SLC30A8: variants seen among roughly 807,000 people sequenced by gnomAD.
SLC30A8 encodes solute carrier family 30 member 8.
A neutral mutation model predicts 36.9 loss-of-function variants in SLC30A8; 27 were observed. That is an observed-to-expected ratio of 0.73 (90% CI 0.54 to 1.01). The LOEUF is 1.01. SLC30A8 is among the 50% of genes least tolerant of loss of function. The pLI is 0.00. For synonymous variants in SLC30A8, 164 were observed against 172.4 expected (o/e 0.95, Z 0.38); for missense variants, 439 against 452.0 (o/e 0.97, Z 0.26).
At chr8:117,148,491 A>G (rs1194550591) in intron 2 of SLC30A8, among the ~76,000 whole-genome samples, 5 of 152,092 alleles carry the variant, frequency 3.3e-5, no homozygotes, top group African/African-American at 1.2e-4. Flanking sequence ...GTTATTTCCT[A>G]CTCATGATTT....
chr8:117,011,687 A>T (rs1029733882), intron 1 of SLC30A8, among the ~76,000 whole-genome samples: 3 of 152,214 alleles, frequency 2.0e-5, no homozygotes, highest in Non-Finnish European at 4.4e-5. Context: ...GCCAGGGGTG[A>T]TGTTGGACCT....
At chr8:117,121,620 G>A (rs545291067) in intron 2 of SLC30A8, among the ~76,000 whole-genome samples, 2 of 151,838 alleles carry the variant, frequency 1.3e-5, no homozygotes, top group Non-Finnish European at 2.9e-5. Context: ...TAATACTATC[G>A]CATTGGTGAT....
At chr8:116,984,766 G>A (rs951146996) in intron 1 of SLC30A8, among the ~76,000 whole-genome samples, 1 of 151,986 alleles carries the variant, frequency 6.6e-6, no homozygotes, top group East Asian at 1.9e-4. Flanking sequence ...GCCTTTGTCT[G>A]ATATGTAATT....
At chr8:117,030,507 G>A (rs1396892846) in intron 1 of SLC30A8, among the ~76,000 whole-genome samples, 1 of 152,154 alleles carries the variant, frequency 6.6e-6, no homozygotes, top group Admixed American at 6.5e-5. Context: ...CATGCTCAAT[G>A]TCTGAACTTG....
intron 3 of SLC30A8, among the ~76,000 whole-genome samples, chr8:117,153,776 T>C (rs1822323799): frequency 1.3e-5 from 2 of 151,860 alleles, no homozygotes; most frequent in South Asian, 2.1e-4. Flanking sequence ...TATTGCTCAG[T>C]TGACTGTTGT....
At chr8:116,991,052 G>T (rs983069830) in intron 1 of SLC30A8, among the ~76,000 whole-genome samples, 2 of 152,078 alleles carry the variant, frequency 1.3e-5, no homozygotes, top group Non-Finnish European at 2.9e-5. Flanking sequence ...TGTGGGATGA[G>T]TCTTATTGGT....
chr8:117,086,504 A>G (rs1438213138), intron 2 of SLC30A8, among the ~76,000 whole-genome samples: 1 of 152,198 alleles, frequency 6.6e-6, no homozygotes, highest in African/African-American at 2.4e-5. Context: ...GCTTCCAGCA[A>G]CAAGCACCTT....
At position 117,152,873 on chromosome 8, in the gene SLC30A8, A is replaced by T. The variant is rs555083443; in HGVS notation, c.272-71A>T. 313 of 1,258,360 alleles carry T rather than the reference A, an allele frequency of 2.5e-4. No homozygotes were observed. In the African/African-American group the frequency reaches 4.4e-3, roughly 18 times the overall value. 77.9% of individuals were successfully genotyped at this position (1,258,360 alleles called of 1,614,324 possible). On this transcript the variant is annotated intron_variant, in intron 2 of 7. Transcript: ENST00000456015. ...TGAGTCTGTGGCATTTTCACCCATG[A>T]TGGTTAGCATGTCTGTGAATCTAGC...
chr8:116,976,726 G>C lies in SLC30A8; in HGVS notation c.-266+25607G>C, dbSNP rs1035534436. On this transcript the variant is annotated intron_variant, in intron 1 of 10. Transcript: ENST00000427715. The stretch of plus-strand genomic sequence containing the variant: ...ACCTGTTCCTCTGCTGGGGTAGGGG[G>C]GTCTTACAATGACTACTTAGCAGGA... Among the ~76,000 whole-genome samples the C allele has an allele frequency of 3.3e-5, 5 of 152,146 alleles. No homozygotes were observed. The South Asian group carries it at 1.0e-3, about 32-fold the overall frequency.
chr8:117,143,630 C>T (rs770768192), intron 1 of SLC30A8, among the ~76,000 whole-genome samples: 5 of 150,678 alleles, frequency 3.3e-5, no homozygotes, highest in East Asian at 2.0e-4. Flanking sequence ...TTTTGGGAGC[C>T]AAGTGAAGAC....
chr8:117,149,644 T>A (rs957713537), intron 2 of SLC30A8, among the ~76,000 whole-genome samples: 1 of 152,196 alleles, frequency 6.6e-6, no homozygotes, highest in Non-Finnish European at 1.5e-5. Flanking sequence ...AATAAATGTT[T>A]GCAAAGTGAA....
At chr8:117,117,507 TTA>T (rs750245629) in intron 2 of SLC30A8, among the ~76,000 whole-genome samples, 80 of 152,140 alleles carry the variant, frequency 5.3e-4, no homozygotes, top group Middle Eastern at 3.4e-3. Context: ...TGAAAAAATT[TTA>T]GTCTTGTTAA....
chr8:117,118,025 A>G (rs1820527112), intron 2 of SLC30A8, among the ~76,000 whole-genome samples: 1 of 151,916 alleles, frequency 6.6e-6, no homozygotes, highest in South Asian at 2.1e-4. Context: ...TCTTTTCCTT[A>G]TGAACATGAG....
intron 1 of SLC30A8, among the ~76,000 whole-genome samples, chr8:117,034,127 TC>T (rs1817138762): frequency 6.6e-6 from 1 of 152,190 alleles, no homozygotes; most frequent in Non-Finnish European, 1.5e-5. Flanking sequence ...GAGGTTATTG[TC>T]CTGATTTTAT....
In SLC30A8 at chr8:117,029,865, T is replaced by C. The variant is rs1816981280; in HGVS notation, c.-265-9354T>C. 2.0e-5 allele frequency among the ~76,000 whole-genome samples: 3 copies of C among 152,216 alleles called. No individual in the cohort carries two copies. The South Asian group carries it at 6.2e-4, about 32-fold the overall frequency. ...ATAAATTCACTCTTTGAGTAGTCAC[T>C]TGGAAACCAATTATTAGACAAGACA... On this transcript the variant is annotated intron_variant, in intron 1 of 10. Coordinates refer to the SLC30A8 transcript ENST00000427715.
In SLC30A8 at chr8:117,008,074, A is replaced by G. The variant is rs1331483597; in HGVS notation, c.-265-31145A>G. On this transcript the variant is annotated intron_variant, in intron 1 of 10. Coordinates refer to the SLC30A8 transcript ENST00000427715. ...AGAGGCTGGTAGTGGCAAAACCCAT[A>G]TTCTTAATCACATGCTGTATTCCCA... is the stretch of plus-strand genomic sequence containing the variant. 2.0e-5 allele frequency among the ~76,000 whole-genome samples: 3 copies of G among 152,194 alleles called. 1 individual carries two copies. Among genetic ancestry groups the G allele is most frequent in the Admixed American group, 2.0e-4 (3 of 15,280 alleles).
intron 5 of SLC30A8, among the ~76,000 whole-genome samples, chr8:117,163,187 A>G (rs1373066192): frequency 6.6e-6 from 1 of 152,234 alleles, no homozygotes; most frequent in Admixed American, 6.5e-5. Flanking sequence ...TAGTTCTTAA[A>G]TTATGGGGAG....
chr8:117,035,724 T>C (rs1358571486), intron 1 of SLC30A8, among the ~76,000 whole-genome samples: 1 of 152,224 alleles, frequency 6.6e-6, no homozygotes, highest in Non-Finnish European at 1.5e-5. Flanking sequence ...TGCCTGGACA[T>C]CCAGGTGTTT....
At chr8:117,011,652 A>G (rs565147550) in intron 1 of SLC30A8, among the ~76,000 whole-genome samples, 5 of 152,328 alleles carry the variant, frequency 3.3e-5, no homozygotes, top group South Asian at 2.1e-4. Context: ...AAAATATAGC[A>G]TTCAATTTTA....
Sources: allele counts gnomAD v4.1 joint callset (sites outside exome capture counted in the v4.1 genomes callset), GRCh38; gene constraint gnomAD v4.1.1; transcripts MANE v1.5; gene names NCBI Gene and HGNC (gene_info 2026-07-23, HGNC 2026-07-21).